CBFA2T2: variants seen among roughly 807,000 people sequenced by gnomAD.
The protein encoded by CBFA2T2 is protein CBFA2T2.
A neutral mutation model predicts 62.2 loss-of-function variants in CBFA2T2; 11 were observed. The observed-to-expected ratio is 0.18, with a 90% CI of 0.11 to 0.29. The LOEUF (loss-of-function observed/expected upper bound fraction) is 0.29. Among genes scored for constraint, CBFA2T2 ranks in the 10% least tolerant of loss-of-function variants. The probability of loss-of-function intolerance (pLI) is 1.00; values close to 1 mark genes in which losing one functional copy is unlikely to be tolerated. For missense variants in CBFA2T2, 592 were observed against 774.1 expected (o/e 0.76, Z 2.79); for synonymous variants, 295 against 287.5 (o/e 1.03, Z -0.27).
At chr20:33,517,152 C>A (rs1447072625) in intron 1 of CBFA2T2, among the ~76,000 whole-genome samples, 1 of 152,186 alleles carries the variant, frequency 6.6e-6, no homozygotes, top group African/African-American at 2.4e-5. Flanking sequence ...TGCAGATCTA[C>A]CAATTACCTG....
At chr20:33,576,621 C>T (rs2013837764) in intron 1 of CBFA2T2, among the ~76,000 whole-genome samples, 1 of 152,208 alleles carries the variant, frequency 6.6e-6, no homozygotes, top group Admixed American at 6.5e-5. Flanking sequence ...AAGGGTGCTG[C>T]CCAACAGGAA....
At chr20:33,497,892 A>C (rs1057030686) in intron 1 of CBFA2T2, among the ~76,000 whole-genome samples, 3 of 151,704 alleles carry the variant, frequency 2.0e-5, no homozygotes, top group Admixed American at 6.6e-5. Context: ...TATGTTTCCC[A>C]TGCTGGTCTC....
At chr20:33,562,529 T>A in intron 1 of CBFA2T2, 2 of 985,858 alleles carry the variant, frequency 2.0e-6, no homozygotes, top group Non-Finnish European at 2.4e-6. Flanking sequence ...AGCTGACACA[T>A]GTCCAGCTAA....
chr20:33,543,290 G>A (rs978586607), intron 1 of CBFA2T2, among the ~76,000 whole-genome samples: 4 of 152,092 alleles, frequency 2.6e-5, no homozygotes, highest in Admixed American at 2.0e-4. Context: ...GATTACAGGC[G>A]TGAGCCACCG....
intron 2 of CBFA2T2, 141 bp downstream of exon 2, chr20:33,607,240 G>T: frequency 1.5e-6 from 1 of 667,466 alleles, no homozygotes; most frequent in Non-Finnish European, 2.2e-6. Context: ...TATATTTCTG[G>T]TTGTTTCTTT....
At chr20:33,581,285 A>G (rs868710430) in intron 1 of CBFA2T2, among the ~76,000 whole-genome samples, 1 of 152,072 alleles carries the variant, frequency 6.6e-6, no homozygotes, top group African/African-American at 2.4e-5. Flanking sequence ...TCTCAAACTC[A>G]TGATCTTGTG....
In CBFA2T2 at chr20:33,640,394, G is replaced by T. The variant is rs765316437; in HGVS notation, c.1351G>T (p.Val451Phe). 1 of 1,614,246 alleles carries T rather than the reference G, an allele frequency of 6.2e-7. No individual in the cohort carries two copies. The highest frequency in any genetic ancestry group is 1.1e-5 in the South Asian group (1 of 91,080). The change falls in exon 10 of 11, where the codon GTC becomes TTC. Residue 451 changes from valine (V) to phenylalanine (F), a missense_variant. Transcript: ENST00000342704. ...GGCCATGTCAGAAGTACAGAAGGCC[G>T]TCGCTGAGGCAGAGCAGAAAGCCTT... ...IQAMSEVQKA[V>F]AEAEQKAFEV...
chr20:33,534,906 T>C (rs189012317), intron 1 of CBFA2T2, among the ~76,000 whole-genome samples: 25 of 152,086 alleles, frequency 1.6e-4, no homozygotes, highest in Non-Finnish European at 3.5e-4. Context: ...GATATAATAA[T>C]AATGAGAAAC....
At chr20:33,567,277 G>A (rs991145089) in intron 1 of CBFA2T2, among the ~76,000 whole-genome samples, 2 of 152,150 alleles carry the variant, frequency 1.3e-5, no homozygotes, top group African/African-American at 2.4e-5. Flanking sequence ...TCCTGTTATC[G>A]TTCAATCCTC....
At chr20:33,510,898 A>AT (rs1042758680) in intron 1 of CBFA2T2, among the ~76,000 whole-genome samples, 1 of 152,134 alleles carries the variant, frequency 6.6e-6, no homozygotes, top group Non-Finnish European at 1.5e-5. Context: ...GTTGATGAGC[A>AT]TTTTTTATGT....
chr20:33,609,731 A>G (rs2015458664), intron 2 of CBFA2T2, among the ~76,000 whole-genome samples: 1 of 152,206 alleles, frequency 6.6e-6, no homozygotes, highest in African/African-American at 2.4e-5. Flanking sequence ...TGACTGGCTT[A>G]GAGGAAGTAG....
intron 1 of CBFA2T2, among the ~76,000 whole-genome samples, chr20:33,514,633 T>G (rs797015112): frequency 3.3e-5 from 5 of 152,246 alleles, no homozygotes; most frequent in African/African-American, 1.2e-4. Flanking sequence ...AAATCAGTTT[T>G]GAGCAGGAGG....
intron 3 of CBFA2T2, among the ~76,000 whole-genome samples, 181 bp downstream of exon 3, chr20:33,611,516 C>A (rs1296816055): frequency 6.6e-6 from 1 of 152,008 alleles, no homozygotes; most frequent in Non-Finnish European, 1.5e-5. Flanking sequence ...CTTTTCTTTT[C>A]TTTTCTTCTT....
At chr20:33,566,605 C>CA (rs11364971) in intron 1 of CBFA2T2, among the ~76,000 whole-genome samples, 1,725 of 134,766 alleles carry the variant, frequency 0.013, 18 homozygotes, top group Non-Finnish European at 0.019. Context: ...GACTCAGTCT[C>CA]AAAAAAAAAA....
At chr20:33,601,187 T>G (rs565737105) in intron 1 of CBFA2T2, among the ~76,000 whole-genome samples, 3 of 152,294 alleles carry the variant, frequency 2.0e-5, no homozygotes, top group Admixed American at 2.0e-4. Context: ...GTCTTGGGAT[T>G]ACAGGCAGGA....
At chr20:33,536,629 C>T (rs1242742432) in intron 1 of CBFA2T2, among the ~76,000 whole-genome samples, 67 of 149,598 alleles carry the variant, frequency 4.5e-4, no homozygotes, top group Admixed American at 1.4e-3. Context: ...GGGGCGGTTG[C>T]CAGGCGGAGG....
chr20:33,579,817 C>CT (rs11475822), intron 1 of CBFA2T2, among the ~76,000 whole-genome samples: 5,304 of 138,398 alleles, frequency 0.038, 158 homozygotes, highest in Admixed American at 0.078. Context: ...CTCTCTCTCT[C>CT]TTTTTTTTTT....
chr20:33,591,467 C>CAAAAAAAAAAAAAAAAAAAA (rs11475752), intron 1 of CBFA2T2, among the ~76,000 whole-genome samples: 2 of 98,072 alleles, frequency 2.0e-5, no homozygotes, highest in Admixed American at 1.0e-4. Flanking sequence ...GAGTAAATCT[C>CAAAAAAAAAAAAAAAAAAAA]AAAAAAAAAA....
At chr20:33,634,636 A>G (rs1050174993) in intron 8 of CBFA2T2, among the ~76,000 whole-genome samples, 1 of 138,890 alleles carries the variant, frequency 7.2e-6, no homozygotes, top group African/African-American at 2.7e-5. Context: ...GTGCCAATGC[A>G]CTCCACCTGG....
Sources: allele counts gnomAD v4.1 joint callset (sites outside exome capture counted in the v4.1 genomes callset), GRCh38; gene constraint gnomAD v4.1.1; transcripts MANE v1.5; gene names NCBI Gene and HGNC (gene_info 2026-07-23, HGNC 2026-07-21).